GSR: variants seen among roughly 807,000 people sequenced by gnomAD.
The protein encoded by GSR is glutathione-disulfide reductase, also known as glutathione reductase, mitochondrial.
A neutral mutation model predicts 56.5 loss-of-function variants in GSR; 48 were observed. The ratio of observed to expected loss-of-function variants is 0.85; its 90% confidence interval spans 0.67 to 1.08. The LOEUF is 1.08. GSR is among the 50% of genes least tolerant of loss of function. GSR has a pLI of 0.00. For missense variants in GSR, 694 were observed against 703.3 expected, an observed-to-expected ratio of 0.99 and a Z score of 0.15; for synonymous variants, 264 against 270.8, an observed-to-expected ratio of 0.97 and a Z score of 0.25.
intron 7 of GSR, among the ~76,000 whole-genome samples, chr8:30,695,308 T>C (rs1304602925): frequency 6.6e-6 from 1 of 152,136 alleles, no homozygotes; most frequent in Non-Finnish European, 1.5e-5. Flanking sequence ...CAATCTTGGC[T>C]CTCTGCAACC....
Position 30,709,356 on chromosome 8 carries a change from C to A in GSR, c.422+458G>T, listed in dbSNP as rs1437016341. On this transcript the variant is annotated intron_variant, in intron 3 of 12. Transcript: ENST00000221130. ...CTCCAGCGTGGACAACAGAGCAAGACCCTGTCTTAACAAACAAACAAAAAG... is the reference window on the plus strand; with the variant it reads ...CTCCAGCGTGGACAACAGAGCAAGAACCTGTCTTAACAAACAAACAAAAAG... 3.9e-5 allele frequency among the ~76,000 whole-genome samples: 6 copies of A among 152,124 alleles called. No homozygotes were observed. The East Asian group carries it at 1.2e-3, about 29-fold the overall frequency.
At chr8:30,692,825 G>A (rs1332672829) in intron 8 of GSR, 144 bp downstream of exon 8, 1 of 690,316 alleles carries the variant, frequency 1.4e-6, no homozygotes, top group South Asian at 1.5e-5. Context: ...TTAGGAGGAA[G>A]GAAATAATAG....
chr8:30,718,078 G>A (rs1417566182), intron 1 of GSR, among the ~76,000 whole-genome samples: 1 of 151,398 alleles, frequency 6.6e-6, no homozygotes, highest in Non-Finnish European at 1.5e-5. Context: ...TCCAGCCTGG[G>A]CAACAAGAGT....
intron 7 of GSR, among the ~76,000 whole-genome samples, chr8:30,695,964 C>T (rs1803529708): frequency 6.6e-6 from 1 of 152,086 alleles, no homozygotes; most frequent in Non-Finnish European, 1.5e-5. Context: ...CGCTTGAGCC[C>T]AGGAGGCAGA....
At chr8:30,717,623 T>C (rs967145599) in intron 1 of GSR, among the ~76,000 whole-genome samples, 3 of 152,074 alleles carry the variant, frequency 2.0e-5, no homozygotes, top group African/African-American at 2.4e-5. Flanking sequence ...GGGATGTAGG[T>C]TGCACACTCC....
At chr8:30,701,889 C>T (rs1324540113) in intron 5 of GSR, among the ~76,000 whole-genome samples, 6 of 150,956 alleles carry the variant, frequency 4.0e-5, no homozygotes, top group Admixed American at 3.3e-4. Context: ...ACTATGTTCA[C>T]CATCCACAAA....
rs1294964002 is a variant in GSR, at chr8:30,679,554, G to T, written c.1535C>A (p.Pro512His). 4 of 1,614,132 alleles carry T rather than the reference G, an allele frequency of 2.5e-6. No individual in the cohort carries two copies. The Admixed American group carries it at 5.0e-5, about 20-fold the overall frequency. Residue 512 changes from proline (P) to histidine (H), a missense_variant, in exon 13 of 13, where the codon CCT (proline) becomes CAT (histidine). Coordinates refer to ENST00000221130, the MANE Select transcript of GSR (RefSeq NM_000637.5). Reference protein sequence around the residue: ...ADFDNTVAIHPTSSEELVTLR With the variant: ...ADFDNTVAIHHTSSEELVTLR ...TGTGACCAGCTCTTCTGAAGAGGTA[G>T]GGTGAATGGCGACTGTGTTGTCAAA...
In GSR at chr8:30,711,950, G is replaced by C; in HGVS notation, c.333+112C>G. 5 of 679,326 alleles carry C rather than the reference G, an allele frequency of 7.4e-6. No homozygotes were observed. The South Asian group carries it at 8.8e-5, about 12-fold the overall frequency. 42.1% of individuals were successfully genotyped at this position (679,326 alleles called of 1,614,324 possible). On this transcript the variant is annotated intron_variant, in intron 2 of 12. Coordinates refer to ENST00000221130, the MANE Select transcript of GSR (RefSeq NM_000637.5). ...AAGCTACTTTTAGTAGGGTCTAGGG[G>C]TTTTTTTTGCAGAAAGAATTTTAAC...
chr8:30,696,240 T>C (rs1391374398), intron 7 of GSR, 140 bp downstream of exon 7: 2 of 727,126 alleles, frequency 2.8e-6, no homozygotes, highest in Non-Finnish European at 2.5e-6. Flanking sequence ...TTCAGGTAAC[T>C]TGGATACAGC....
intron 7 of GSR, 35 bp from the exon 8 acceptor site, chr8:30,693,090 G>C (rs1434465619): frequency 1.5e-6 from 2 of 1,334,658 alleles, no homozygotes; most frequent in Non-Finnish European, 2.2e-6. Context: ...AATGCGAGAG[G>C]AAGAAAACTT....
intron 1 of GSR, among the ~76,000 whole-genome samples, chr8:30,724,149 A>G (rs1804647344): frequency 6.6e-6 from 1 of 152,204 alleles, no homozygotes; most frequent in Non-Finnish European, 1.5e-5. Context: ...AAGCAGGAGG[A>G]TTGCTTGAGT....
chr8:30,704,248 C>T (rs1803850224), intron 4 of GSR, among the ~76,000 whole-genome samples: 2 of 152,010 alleles, frequency 1.3e-5, no homozygotes, highest in Non-Finnish European at 2.9e-5. Context: ...TTCCTTGAAC[C>T]TGGGAGGCAG....
rs1802854917 is a variant in GSR, at chr8:30,679,232, G to C, written c.*288C>G. 1 of 404,392 alleles carries C rather than the reference G, an allele frequency of 2.5e-6. No individual in the cohort carries two copies. The highest frequency in any genetic ancestry group is 2.8e-5 in the South Asian group (1 of 36,362). 25.1% of individuals were successfully genotyped at this position (404,392 alleles called of 1,614,324 possible). Reference sequence around the variant, plus strand: ...GTACTTCACAAAGCTTTATATTTGGGATGAGGCTAAAACAGAAAAAAAAAA... The same window carrying C: ...GTACTTCACAAAGCTTTATATTTGGCATGAGGCTAAAACAGAAAAAAAAAA... On this transcript the variant is annotated 3_prime_UTR_variant, in exon 13 of 13. Coordinates refer to ENST00000221130, the MANE Select transcript of GSR (RefSeq NM_000637.5).
In GSR at chr8:30,702,493, T is replaced by C. The variant is rs1803777821; in HGVS notation, c.640+600A>G. On this transcript the variant is annotated intron_variant, in intron 5 of 12. Coordinates refer to ENST00000221130, the MANE Select transcript of GSR (RefSeq NM_000637.5). ...ACATCCTTACAAGATTTCTCTCTCT[T>C]GAACAAAACAATAAATTATCACGTG... Among the ~76,000 whole-genome samples, 2 of 152,152 alleles carry C rather than the reference T, an allele frequency of 1.3e-5. 1 individual carries two copies. The highest frequency in any genetic ancestry group is 2.9e-5 in the Non-Finnish European group (2 of 68,022).
Position 30,692,985 on chromosome 8 carries a change from A to G in GSR, c.866T>C (p.Val289Ala), listed in dbSNP as rs151187899. 6.5e-4 allele frequency: 1,045 copies of G among 1,610,422 alleles called. 2 individuals carry two copies. Among genetic ancestry groups the G allele is most frequent in the African/African-American group, 4.2e-3 (313 of 74,930 alleles). ...GCACTGTACCTGGGAGAACTTCAGC[A>G]CCTCCACGCCAGCGTTCTCCAGCTC... ...TEELENAGVE[V>A]LKFSQVKEVK... The change falls in exon 8 of 13, where the codon GTG (valine) becomes GCG (alanine). Residue 289 changes from valine to alanine, a missense_variant. Val to Ala is a moderately conservative substitution (Grantham distance 64). Coordinates refer to ENST00000221130, the MANE Select transcript of GSR (RefSeq NM_000637.5).
chr8:30,716,175 G>A (rs967682230), intron 1 of GSR, among the ~76,000 whole-genome samples: 1 of 152,206 alleles, frequency 6.6e-6, no homozygotes, highest in African/African-American at 2.4e-5. Context: ...GGCCTACAGT[G>A]CCAGCCAGAG....
chr8:30,697,450 CAAAA>C (rs796716517), intron 6 of GSR, among the ~76,000 whole-genome samples: 2 of 149,718 alleles, frequency 1.3e-5, no homozygotes, highest in Non-Finnish European at 3.0e-5. Flanking sequence ...AACAAACAAA[CAAAA>C]AACCCCTAAA....
chr8:30,696,689 T>A (rs1419319747), intron 6 of GSR, among the ~76,000 whole-genome samples: 5 of 152,158 alleles, frequency 3.3e-5, no homozygotes, highest in Non-Finnish European at 7.3e-5. Context: ...AACCCTAGAC[T>A]GCAGATTTTC....
chr8:30,682,078 A>C lies in GSR; in HGVS notation c.1154-17T>G. On this transcript the variant is annotated splice_polypyrimidine_tract_variant and intron_variant, in intron 10 of 12. Transcript: ENST00000221130. Reference sequence around the variant, plus strand: ...CTATTGCAACTATGGAGATATTTTAAAATCAGTGTTTATCTTACTGTCTGT... The same window carrying C: ...CTATTGCAACTATGGAGATATTTTACAATCAGTGTTTATCTTACTGTCTGT... 1.9e-6 allele frequency: 3 copies of C among 1,609,430 alleles called. No individual in the cohort carries two copies. The highest frequency in any genetic ancestry group is 2.6e-6 in the Non-Finnish European group (3 of 1,175,788).
Sources: gnomAD v4.1 joint callset for allele counts (sites outside exome capture counted in the v4.1 genomes callset) on GRCh38, gnomAD v4.1.1 for gene constraint, MANE v1.5 for transcripts, NCBI Gene and HGNC (gene_info 2026-07-23, HGNC 2026-07-21) for gene names.